Variants in LRRC9 observed in about 807,000 individuals in gnomAD.
The protein encoded by LRRC9 is leucine-rich repeat-containing protein 9.
Under a neutral mutation model 63.2 loss-of-function variants are expected in LRRC9, and 122 were observed. The ratio of observed to expected loss-of-function variants is 1.93; its 90% CI spans 1.67 to 2.24. The LOEUF (loss-of-function observed/expected upper bound fraction) is 2.24. LRRC9 is among the 30% of genes most tolerant of loss of function. LRRC9 has a pLI of 0.00. For synonymous variants in LRRC9, 366 were observed against 213.1 expected, an observed-to-expected ratio of 1.72 and a Z score of -6.25; for missense variants, 1,071 against 627.7, an observed-to-expected ratio of 1.71 and a Z score of -7.55.
intron 17 of LRRC9, among the ~76,000 whole-genome samples, chr14:59,996,085 C>G (rs892843351): frequency 5.3e-5 from 8 of 152,088 alleles, no homozygotes; most frequent in Non-Finnish European, 1.0e-4. Context: ...AAATGCTGGT[C>G]TACAGGCAGG....
At chr14:60,019,793 A>C (rs1415393143) in intron 26 of LRRC9, among the ~76,000 whole-genome samples, 1 of 151,680 alleles carries the variant, frequency 6.6e-6, no homozygotes, top group Non-Finnish European at 1.5e-5. Flanking sequence ...TTATGCAAAA[A>C]ATGACAACAA....
exon 8 of LRRC9, chr14:59,944,721 T>C (rs1391061857): frequency 1.5e-6 from 1 of 671,926 alleles, no homozygotes; most frequent in African/African-American, 1.8e-5. Flanking sequence ...ACGAGTAAAA[T>C]TATTCAGCTT....
Position 59,966,631 on chromosome 14 carries a change from C to A in LRRC9, c.1254C>A (p.Ala418=). 1 of 690,668 alleles carries A rather than the reference C, an allele frequency of 1.4e-6. No individual in the cohort carries two copies. The highest frequency in any genetic ancestry group is 2.6e-6 in the Non-Finnish European group (1 of 378,318). The allele number at this position is 690,668 out of a possible 1,614,324, so 42.8% of individuals were successfully genotyped here. A position where few individuals can be genotyped will look rare whatever the true frequency, so the allele number is the denominator to read the frequency against. ...AATTAATTCTGTCACGTTTTTGTGC[C>A]TGGGACTTCAGAACATACGGTATTA... Residue 418 remains alanine, a synonymous_variant, in exon 11 of 32, where the codon GCC becomes GCA. Transcript: ENST00000445360. This position sits in a 1 kb window ranked among gnomAD's most constrained non-coding sequence, Gnocchi z 4.0.
At chr14:59,983,084 A>G (rs1483138498) in intron 16 of LRRC9, among the ~76,000 whole-genome samples, 1 of 152,040 alleles carries the variant, frequency 6.6e-6, no homozygotes, top group Non-Finnish European at 1.5e-5. Flanking sequence ...TGCTGCTACC[A>G]CTCTATCCAA....
At chr14:59,939,316 G>A (rs1881501259) in intron 7 of LRRC9, among the ~76,000 whole-genome samples, 1 of 151,930 alleles carries the variant, frequency 6.6e-6, no homozygotes, top group South Asian at 2.1e-4. Context: ...AGTAACAGAT[G>A]AAGACAGGAG....
intron 17 of LRRC9, among the ~76,000 whole-genome samples, chr14:59,995,533 A>T (rs1465673870): frequency 6.6e-6 from 1 of 152,218 alleles, no homozygotes; most frequent in Non-Finnish European, 1.5e-5. Flanking sequence ...TAATCTTTGT[A>T]AGTTGTACTG....
At chr14:59,994,088 AAGAAC>A (rs1888471915) in intron 17 of LRRC9, among the ~76,000 whole-genome samples, 1 of 152,222 alleles carries the variant, frequency 6.6e-6, no homozygotes, top group South Asian at 2.1e-4. Flanking sequence ...GCAAATGTAA[AAGAAC>A]AGAAATTATA....
chr14:59,951,860 C>T (rs1233702128), intron 8 of LRRC9, among the ~76,000 whole-genome samples: 1 of 152,158 alleles, frequency 6.6e-6, no homozygotes, highest in African/African-American at 2.4e-5. Flanking sequence ...TGCCCGTTCT[C>T]AGATCTCCAG....
At chr14:59,952,263 C>CCAGGTG (rs1165051796) in intron 8 of LRRC9, among the ~76,000 whole-genome samples, 1 of 152,178 alleles carries the variant, frequency 6.6e-6, no homozygotes, top group African/African-American at 2.4e-5. Flanking sequence ...ACCCGATTTT[C>CCAGGTG]CAGGTGCGTC....
In LRRC9 at chr14:60,053,542, T is replaced by C. The variant is rs556965489; in HGVS notation, c.4131+337T>C. ...GATGATGCTAGAACATAGGAAACTATAACATATCACTTTCATAAATAGAAA... is the reference window on the plus strand; with the variant it reads ...GATGATGCTAGAACATAGGAAACTACAACATATCACTTTCATAAATAGAAA... On this transcript the variant is annotated intron_variant, in intron 30 of 31. Coordinates refer to ENST00000445360, the Ensembl canonical transcript of LRRC9. The surrounding 1 kb of genome is among the most constrained non-coding windows in gnomAD (Gnocchi z 4.8). 6.6e-6 allele frequency among the ~76,000 whole-genome samples: 1 copy of C among 152,288 alleles called. No individual in the cohort carries two copies. The highest frequency in any genetic ancestry group is 2.1e-4 in the South Asian group (1 of 4,824).
At chr14:59,957,090 T>A (rs1883839781) in intron 8 of LRRC9, among the ~76,000 whole-genome samples, 1 of 152,104 alleles carries the variant, frequency 6.6e-6, no homozygotes, top group Non-Finnish European at 1.5e-5. Context: ...CCTTGGAGAA[T>A]CTCACGATGT....
chr14:60,032,743 T>C (rs1016168503), intron 29 of LRRC9, among the ~76,000 whole-genome samples: 1 of 152,170 alleles, frequency 6.6e-6, no homozygotes, highest in African/African-American at 2.4e-5. Context: ...CACCCAGATA[T>C]AGAAAATACT....
intron 1 of LRRC9, among the ~76,000 whole-genome samples, chr14:59,924,231 A>C (rs1889016488): frequency 6.6e-6 from 1 of 152,180 alleles, no homozygotes; most frequent in African/African-American, 2.4e-5. Flanking sequence ...AATCCAGTAT[A>C]TAAGGGTTTC....
chr14:60,028,410 T>C (rs1891727677), intron 28 of LRRC9, among the ~76,000 whole-genome samples: 1 of 152,078 alleles, frequency 6.6e-6, no homozygotes, highest in South Asian at 2.1e-4. Flanking sequence ...TGGTCCAAGT[T>C]GTTTCTGAAT....
At chr14:60,032,183 C>T in intron 29 of LRRC9, 120 bp downstream of exon 29, 1 of 565,340 alleles carries the variant, frequency 1.8e-6, no homozygotes, top group Non-Finnish European at 3.1e-6. Flanking sequence ...CCAGTCATCC[C>T]AGCCCAAATT....
chr14:59,954,305 T>G (rs992306785), intron 8 of LRRC9, among the ~76,000 whole-genome samples: 1 of 152,176 alleles, frequency 6.6e-6, no homozygotes, highest in African/African-American at 2.4e-5. Context: ...CATGGAATGT[T>G]TTTCCATTTT....
At chr14:59,994,511 G>A (rs1888524568) in intron 17 of LRRC9, among the ~76,000 whole-genome samples, 1 of 152,134 alleles carries the variant, frequency 6.6e-6, no homozygotes, top group African/African-American at 2.4e-5. Context: ...CCATTACTGG[G>A]TATATACCCA....
At chr14:59,967,622 T>G (rs1345882208) in intron 12 of LRRC9, among the ~76,000 whole-genome samples, 1 of 152,240 alleles carries the variant, frequency 6.6e-6, no homozygotes, top group African/African-American at 2.4e-5. Context: ...CTTTATTCTC[T>G]ACTTCACTAT....
At chr14:60,065,104 G>T (rs922348348), downstream of LRRC9, among the ~76,000 whole-genome samples, 1 of 151,952 alleles carries the variant, frequency 6.6e-6, no homozygotes, top group Non-Finnish European at 1.5e-5. Flanking sequence ...CATCTGAGCC[G>T]GGCGCAGTGG....
Sources: allele counts gnomAD v4.1 joint callset (sites outside exome capture counted in the v4.1 genomes callset), GRCh38; gene constraint gnomAD v4.1.1; non-coding constraint Gnocchi (gnomAD v3.1); transcripts MANE v1.5; gene names NCBI Gene and HGNC (gene_info 2026-07-23, HGNC 2026-07-21).